CCDC33: variants seen among roughly 807,000 people sequenced by gnomAD.
The protein encoded by CCDC33 is coiled-coil domain-containing protein 33.
CCDC33 carries 94 observed loss-of-function variants against 91.9 expected under a neutral mutation model. That is an observed-to-expected ratio of 1.02 (90% confidence interval 0.87 to 1.21). The LOEUF (loss-of-function observed/expected upper bound fraction) is 1.21. CCDC33 is among the 50% of genes most tolerant of loss of function. The probability of loss-of-function intolerance (pLI) is 0.00; values close to 1 mark genes in which losing one functional copy is unlikely to be tolerated. For synonymous variants in CCDC33, 396 were observed against 374.5 expected (o/e 1.06, Z -0.66); for missense variants, 940 against 935.5 (o/e 1.00, Z -0.06).
At chr15:74,228,415 C>G (rs1178586472) in intron 2 of CCDC33, among the ~76,000 whole-genome samples, 1 of 152,248 alleles carries the variant, frequency 6.6e-6, no homozygotes, top group Non-Finnish European at 1.5e-5. Flanking sequence ...CCAATGCTCA[C>G]AAAACGCTGG....
rs568074672 is a variant in CCDC33, at chr15:74,316,053, C to A, written c.1291-14136C>A. ...ACAAAGAGCCCTGCCCTAGTCTTCA[C>A]ATAGTAATTGTCTTGTGTGTCTCAC... On this transcript the variant is annotated intron_variant, in intron 11 of 18. Transcript: ENST00000398814. This position sits in a 1 kb window ranked among gnomAD's most constrained non-coding sequence, Gnocchi z 4.7. Among the ~76,000 whole-genome samples, 3 of 151,786 alleles carry A rather than the reference C, an allele frequency of 2.0e-5. No homozygotes were observed. The highest frequency in any genetic ancestry group is 6.5e-5 in the Admixed American group (1 of 15,274).
intron 11 of CCDC33, among the ~76,000 whole-genome samples, chr15:74,317,974 A>T (rs1472783988): frequency 1.3e-5 from 2 of 149,544 alleles, no homozygotes; most frequent in Non-Finnish European, 3.0e-5. Context: ...AGAGAAAGGA[A>T]TTTGTCCAGA....
chr15:74,233,083 G>GTCC (rs1159782863), upstream of CCDC33, among the ~76,000 whole-genome samples: 2 of 152,136 alleles, frequency 1.3e-5, no homozygotes, highest in African/African-American at 4.8e-5. Flanking sequence ...TGTTCTCAGG[G>GTCC]TCCTGCTCAA....
intron 7 of CCDC33, among the ~76,000 whole-genome samples, chr15:74,273,382 C>T (rs886084171): frequency 6.6e-6 from 1 of 152,160 alleles, no homozygotes; most frequent in Non-Finnish European, 1.5e-5. Context: ...CACAACAATA[C>T]GAACAAATGA....
At chr15:74,322,301 C>T (rs1273624497) in intron 11 of CCDC33, among the ~76,000 whole-genome samples, 3 of 152,228 alleles carry the variant, frequency 2.0e-5, no homozygotes, top group Non-Finnish European at 4.4e-5. Flanking sequence ...GACCTACGGG[C>T]AGGGGCGGGA....
intron 1 of CCDC33, among the ~76,000 whole-genome samples, chr15:74,242,862 C>G (rs182467023): frequency 2.0e-5 from 3 of 152,192 alleles, no homozygotes; most frequent in Non-Finnish European, 2.9e-5. Context: ...ACTGAGCCAC[C>G]TCTGGGCCTT....
chr15:74,302,297 T>G (rs2059810802), intron 11 of CCDC33: 1 of 152,050 alleles, frequency 6.6e-6, no homozygotes, highest in Non-Finnish European at 1.5e-5. Flanking sequence ...AGATCATGAG[T>G]GCAGAGAGGA....
In CCDC33 at chr15:74,262,548, C is replaced by A. The variant is rs757484978; in HGVS notation, c.294C>A (p.Ile98=). ...PIWGDTVNVE[I]QAEDAGQEDV... Reference sequence around the variant, plus strand: ...GGGGGGACACGGTGAATGTGGAGATCCAAGCTGAGGATGCAGGGCAAGAAG... The same window carrying A: ...GGGGGGACACGGTGAATGTGGAGATACAAGCTGAGGATGCAGGGCAAGAAG... The change falls in exon 3 of 19, where the codon ATC becomes ATA. Residue 98 remains isoleucine, a synonymous_variant. Transcript: ENST00000398814. The A allele has an allele frequency of 4.3e-6, 7 of 1,613,490 alleles. No homozygotes were observed. The highest frequency in any genetic ancestry group is 5.9e-6 in the Non-Finnish European group (7 of 1,179,844).
chr15:74,254,319 C>T (rs980130097), intron 2 of CCDC33, among the ~76,000 whole-genome samples: 1 of 152,164 alleles, frequency 6.6e-6, no homozygotes, highest in Non-Finnish European at 1.5e-5. Context: ...GCGTGAGCCA[C>T]TGCGCCCGGA....
chr15:74,240,231 G>C lies in CCDC33; in HGVS notation c.21+3491G>C, dbSNP rs548861085. ...AGCTTTATTCCCAGAAGGGAAGGCT[G>C]TCCCCGAGGGGAGGTGCAGGGGAGA... On this transcript the variant is annotated intron_variant, in intron 1 of 18. Transcript: ENST00000398814. 2.9e-3 allele frequency among the ~76,000 whole-genome samples: 449 copies of C among 152,368 alleles called. 4 individuals carry two copies. The highest frequency in any genetic ancestry group is 7.2e-3 in the Admixed American group (111 of 15,312).
At chr15:74,290,752 C>T (rs912264795) in intron 10 of CCDC33, among the ~76,000 whole-genome samples, 1 of 152,078 alleles carries the variant, frequency 6.6e-6, no homozygotes, top group Non-Finnish European at 1.5e-5. Context: ...TTGTAGAGGA[C>T]CTGGGTGCTA....
chr15:74,286,541 C>T (rs549128406), intron 10 of CCDC33, among the ~76,000 whole-genome samples: 1 of 152,174 alleles, frequency 6.6e-6, no homozygotes, highest in Non-Finnish European at 1.5e-5. Context: ...TGGATTGGAG[C>T]CTGGCATGCA....
At chr15:74,246,276 G>A (rs7162948) in intron 2 of CCDC33, among the ~76,000 whole-genome samples, 4 of 152,130 alleles carry the variant, frequency 2.6e-5, no homozygotes, top group African/African-American at 4.8e-5. Flanking sequence ...ATTAATCTTC[G>A]GATATGACAC....
At position 74,286,019 on chromosome 15, in the gene CCDC33, G is replaced by T. The variant is rs544194376; in HGVS notation, c.1095+4170G>T. ...TCCCAAGACTTTAGGAGTCTGAGGC[G>T]GGCGGATCATGAGGTCAGGAATTCA... On this transcript the variant is annotated intron_variant, in intron 10 of 18. Transcript: ENST00000398814. Among the ~76,000 whole-genome samples the T allele has an allele frequency of 2.6e-5, 4 of 152,226 alleles. No individual in the cohort carries two copies. The South Asian group carries it at 8.3e-4, about 32-fold the overall frequency.
intron 7 of CCDC33, among the ~76,000 whole-genome samples, chr15:74,279,501 G>A (rs556131976): frequency 1.4e-4 from 22 of 152,094 alleles, no homozygotes; most frequent in Non-Finnish European, 8.8e-5. Flanking sequence ...TATTTATTAG[G>A]TGTGTGCTGC....
intron 3 of CCDC33, among the ~76,000 whole-genome samples, chr15:74,263,665 A>G (rs1189870427): frequency 6.6e-6 from 1 of 152,226 alleles, no homozygotes; most frequent in Non-Finnish European, 1.5e-5. Flanking sequence ...GCAGAGGCAC[A>G]TGCGTGCCTG....
intron 2 of CCDC33, among the ~76,000 whole-genome samples, chr15:74,255,868 A>G (rs1051418265): frequency 3.3e-5 from 5 of 152,210 alleles, no homozygotes; most frequent in Non-Finnish European, 7.3e-5. Flanking sequence ...AGCTATTTCC[A>G]GGACAGTTCT....
Position 74,280,747 on chromosome 15 carries a change from G to A in CCDC33, c.969G>A (p.Lys323=), listed in dbSNP as rs545877524. 10 of 1,579,614 alleles carry A rather than the reference G, an allele frequency of 6.3e-6. No individual in the cohort carries two copies. Among genetic ancestry groups the A allele is most frequent in the African/African-American group, 1.4e-5 (1 of 73,028 alleles). Residue 323 remains lysine (K), a synonymous_variant, in exon 9 of 19, where the codon AAG becomes AAA. Coordinates refer to ENST00000398814, the MANE Select transcript of CCDC33 (RefSeq NM_025055.5). ...VLPLKSRLYQ[K]MLTGKGLDGL... ...CGCTAAAGAGCCGTTTGTACCAGAA[G>A]ATGCTGACAGGGAAAGGCTTGGACG...
At chr15:74,247,473 A>G (rs1254843988) in intron 2 of CCDC33, among the ~76,000 whole-genome samples, 1 of 152,184 alleles carries the variant, frequency 6.6e-6, no homozygotes, top group East Asian at 1.9e-4. Context: ...ATATATCCAC[A>G]TATAGACAAC....
Sources: gnomAD v4.1 joint callset for allele counts (sites outside exome capture counted in the v4.1 genomes callset) on GRCh38, gnomAD v4.1.1 for gene constraint, Gnocchi (gnomAD v3.1) non-coding constraint, MANE v1.5 for transcripts, NCBI Gene and HGNC (gene_info 2026-07-23, HGNC 2026-07-21) for gene names.